Variants in SMYD3 observed in about 807,000 individuals in gnomAD.
SMYD3 encodes the protein SET and MYND domain containing 3, also known as histone-lysine N-methyltransferase SMYD3.
A neutral mutation model predicts 57.7 loss-of-function variants in SMYD3; 36 were observed. The observed-to-expected ratio is 0.62, with a 90% CI of 0.48 to 0.82. The LOEUF (loss-of-function observed/expected upper bound fraction) is 0.82. SMYD3 is among the 40% of genes least tolerant of loss of function. The pLI is 0.00. For synonymous variants in SMYD3, 211 were observed against 195.0 expected, an observed-to-expected ratio of 1.08 and a Z score of -0.68; for missense variants, 515 against 538.8, an observed-to-expected ratio of 0.96 and a Z score of 0.44.
intron 1 of SMYD3, among the ~76,000 whole-genome samples, chr1:246,400,027 TTTTCATCTTTCTCTG>T (rs1447239989): frequency 2.0e-5 from 3 of 152,290 alleles, no homozygotes; most frequent in South Asian, 2.1e-4. Context: ...TATGCTAAAA[TTTTCATCTTTCTCTG>T]TTTCATCTTT....
chr1:245,999,266 T>C (rs758707081), intron 5 of SMYD3, among the ~76,000 whole-genome samples: 5 of 151,980 alleles, frequency 3.3e-5, no homozygotes, highest in Non-Finnish European at 5.9e-5. Context: ...AAGGGGAAGA[T>C]TGCAAAAAGC....
chr1:246,131,562 T>C (rs901458489), intron 5 of SMYD3, among the ~76,000 whole-genome samples: 18 of 152,226 alleles, frequency 1.2e-4, no homozygotes, highest in African/African-American at 3.9e-4. Flanking sequence ...TGATCTGAGA[T>C]GTATTATACA....
intron 5 of SMYD3, among the ~76,000 whole-genome samples, chr1:245,961,949 T>C (rs2058021545): frequency 6.6e-6 from 1 of 152,158 alleles, no homozygotes; most frequent in African/African-American, 2.4e-5. Flanking sequence ...GGGAACTGAT[T>C]TCGCTGATTT....
At chr1:245,982,523 A>G (rs1207686172) in intron 5 of SMYD3, among the ~76,000 whole-genome samples, 1 of 152,230 alleles carries the variant, frequency 6.6e-6, no homozygotes, top group African/African-American at 2.4e-5. Flanking sequence ...ATCTAATATA[A>G]TAGTAAAGGC....
intron 10 of SMYD3, among the ~76,000 whole-genome samples, chr1:245,858,289 A>G (rs2051356990): frequency 6.6e-6 from 1 of 152,248 alleles, no homozygotes; most frequent in African/African-American, 2.4e-5. Flanking sequence ...TGTCTGACAC[A>G]TGGAAGGAAC....
At position 246,478,745 on chromosome 1, in the gene SMYD3, T is replaced by TATATGCACACCTGTCCTCCGTC. The variant is rs1558483115; in HGVS notation, c.164+28308_164+28309insGACGGAGGACAGGTGTGCATAT. On this transcript the variant is annotated intron_variant, in intron 1 of 11. Coordinates refer to ENST00000490107, the MANE Select transcript of SMYD3 (RefSeq NM_001167740.2). ...CTCATATATGCACACCTGTCCTCCATCTGGAGCTGGTACGTAAGTGCTCAT... is the reference window on the plus strand; with the variant it reads ...CTCATATATGCACACCTGTCCTCCATATATGCACACCTGTCCTCCGTCCTGGAGCTGGTACGTAAGTGCTCAT... Among the ~76,000 whole-genome samples, 2 of 10,102 alleles carry TATATGCACACCTGTCCTCCGTC rather than the reference T, an allele frequency of 2.0e-4. 1 individual carries two copies. The highest frequency in any genetic ancestry group is 1.1e-3 in the African/African-American group (2 of 1,838). The allele number at this position is 10,102 out of a possible 152,430, so 6.6% of individuals were successfully genotyped here. A position where few individuals can be genotyped will look rare whatever the true frequency, so the allele number is the denominator to read the frequency against.
intron 5 of SMYD3, among the ~76,000 whole-genome samples, chr1:246,321,441 T>C (rs1179050090): frequency 1.3e-5 from 2 of 152,182 alleles, no homozygotes; most frequent in African/African-American, 4.8e-5. Flanking sequence ...GAATTTTATT[T>C]ACTTGACTGA....
chr1:246,210,571 G>A (rs138366169), intron 5 of SMYD3, among the ~76,000 whole-genome samples: 4,799 of 151,972 alleles, frequency 0.032, 107 homozygotes, highest in African/African-American at 0.038. Context: ...TTAGCTGGGC[G>A]TGGTTGCGGG....
At chr1:245,826,220 T>A (rs2049483776) in intron 10 of SMYD3, among the ~76,000 whole-genome samples, 3 of 151,790 alleles carry the variant, frequency 2.0e-5, no homozygotes, top group African/African-American at 7.3e-5. Context: ...CTCCCTCCAG[T>A]CTCTGGCAAC....
intron 10 of SMYD3, among the ~76,000 whole-genome samples, chr1:245,826,591 T>C (rs1287088576): frequency 6.6e-6 from 1 of 152,202 alleles, no homozygotes; most frequent in Non-Finnish European, 1.5e-5. Flanking sequence ...ACCCATTTCA[T>C]CAAGTTGCTT....
At chr1:246,051,325 T>A (rs1214457421) in intron 5 of SMYD3, among the ~76,000 whole-genome samples, 1 of 152,044 alleles carries the variant, frequency 6.6e-6, no homozygotes, top group Non-Finnish European at 1.5e-5. Context: ...TTCACCACAT[T>A]GCACAGGATG....
chr1:246,419,974 T>G (rs2067118420), intron 1 of SMYD3, among the ~76,000 whole-genome samples: 1 of 152,202 alleles, frequency 6.6e-6, no homozygotes, highest in Non-Finnish European at 1.5e-5. Context: ...GGCAGGGGGA[T>G]CACGAGGTCA....
chr1:246,001,829 G>A (rs894229386), intron 5 of SMYD3, among the ~76,000 whole-genome samples: 1 of 152,110 alleles, frequency 6.6e-6, no homozygotes, highest in Non-Finnish European at 1.5e-5. Context: ...GGAGCTGGCA[G>A]CTACTCAGAG....
chr1:246,222,435 G>A (rs2063271466), intron 5 of SMYD3, among the ~76,000 whole-genome samples: 1 of 152,120 alleles, frequency 6.6e-6, no homozygotes, highest in Non-Finnish European at 1.5e-5. Flanking sequence ...CATTAGCTGT[G>A]TAAACTTAAA....
chr1:246,273,164 G>C (rs115436028), intron 5 of SMYD3, among the ~76,000 whole-genome samples: 16,722 of 82,676 alleles, frequency 0.2, 1,358 homozygotes, highest in East Asian at 0.48. Flanking sequence ...TTTTTTTTGG[G>C]GGGGGGACAG....
At chr1:246,230,851 TTAAG>T (rs1395145425) in intron 5 of SMYD3, among the ~76,000 whole-genome samples, 1 of 152,242 alleles carries the variant, frequency 6.6e-6, no homozygotes, top group Non-Finnish European at 1.5e-5. Flanking sequence ...TTTTAATTAC[TTAAG>T]TAGTCAAATG....
At chr1:246,092,231 G>GA (rs2060835869) in intron 5 of SMYD3, among the ~76,000 whole-genome samples, 1 of 152,028 alleles carries the variant, frequency 6.6e-6, no homozygotes. Flanking sequence ...AAGAAGTGAG[G>GA]AAAAAATGCT....
At chr1:246,307,144 C>T (rs1381995920) in intron 5 of SMYD3, among the ~76,000 whole-genome samples, 2 of 152,130 alleles carry the variant, frequency 1.3e-5, no homozygotes, top group African/African-American at 2.4e-5. Context: ...AAAATAGCTC[C>T]GCTGAATTTC....
At chr1:245,815,369 T>C (rs1445786401) in intron 10 of SMYD3, among the ~76,000 whole-genome samples, 1 of 152,212 alleles carries the variant, frequency 6.6e-6, no homozygotes, top group Non-Finnish European at 1.5e-5. Flanking sequence ...TGCTTTTCCT[T>C]CCATCCCAAT....
Sources: gnomAD v4.1 joint callset for allele counts (sites outside exome capture counted in the v4.1 genomes callset) on GRCh38, gnomAD v4.1.1 for gene constraint, MANE v1.5 for transcripts, NCBI Gene and HGNC (gene_info 2026-07-23, HGNC 2026-07-21) for gene names.